Variants in ZNF804B observed in about 807,000 individuals in gnomAD.
ZNF804B encodes zinc finger protein 804B, also known as zinc finger 804B.
Under a neutral mutation model 101.4 loss-of-function variants are expected in ZNF804B, and 80 were observed. That is an observed-to-expected ratio of 0.79 (90% CI 0.66 to 0.95). The LOEUF is 0.95. ZNF804B is among the 40% of genes least tolerant of loss of function. The pLI is 0.00. For missense variants in ZNF804B, 1,673 were observed against 1,561.9 expected (o/e 1.07, Z -1.20); for synonymous variants, 622 against 558.8 (o/e 1.11, Z -1.59).
chr7:88,858,881 G>C (rs772107895), intron 1 of ZNF804B, among the ~76,000 whole-genome samples: 4 of 151,926 alleles, frequency 2.6e-5, no homozygotes, highest in Non-Finnish European at 5.9e-5. Flanking sequence ...TGTTTTTCTG[G>C]TTCTATAGCT....
At chr7:88,896,943 C>A (rs918191294) in intron 1 of ZNF804B, among the ~76,000 whole-genome samples, 1 of 152,134 alleles carries the variant, frequency 6.6e-6, no homozygotes, top group Non-Finnish European at 1.5e-5. Context: ...AGCTATAATT[C>A]ATGCCTATTA....
At chr7:89,310,667 T>C (rs1234195348) in intron 2 of ZNF804B, among the ~76,000 whole-genome samples, 2 of 152,140 alleles carry the variant, frequency 1.3e-5, no homozygotes, top group African/African-American at 2.4e-5. Flanking sequence ...AACTAGAGTA[T>C]AAAAGAGTGG....
At chr7:88,770,869 A>G (rs966911526) in intron 1 of ZNF804B, among the ~76,000 whole-genome samples, 10 of 152,230 alleles carry the variant, frequency 6.6e-5, no homozygotes, top group Admixed American at 1.3e-4. Flanking sequence ...AACATTTGTG[A>G]GAACAAAGAA....
chr7:89,053,594 G>T lies in ZNF804B; in HGVS notation c.109-164561G>T, dbSNP rs576514008. On this transcript the variant is annotated intron_variant, in intron 1 of 3. Coordinates refer to ENST00000333190, the MANE Select transcript of ZNF804B (RefSeq NM_181646.5). Reference sequence around the variant, plus strand: ...TTATTTTTCAGTATCATAAATTTTTGATTGTTTTTGGCTATAGTCATAGTT... The same window carrying T: ...TTATTTTTCAGTATCATAAATTTTTTATTGTTTTTGGCTATAGTCATAGTT... 1.2e-4 allele frequency among the ~76,000 whole-genome samples: 18 copies of T among 152,028 alleles called. 1 individual carries two copies. Among genetic ancestry groups the T allele is most frequent in the South Asian group, 6.2e-4 (3 of 4,818 alleles).
intron 1 of ZNF804B, among the ~76,000 whole-genome samples, chr7:88,953,406 A>G (rs1793254755): frequency 6.6e-6 from 1 of 151,742 alleles, no homozygotes; most frequent in African/African-American, 2.4e-5. Flanking sequence ...GTTAACACCT[A>G]TCTTTTTGTT....
chr7:89,176,483 G>A (rs1791319843), intron 1 of ZNF804B, among the ~76,000 whole-genome samples: 1 of 150,324 alleles, frequency 6.7e-6, no homozygotes, highest in Non-Finnish European at 1.5e-5. Context: ...ATGTGTTGTT[G>A]AATTTATTTT....
chr7:88,781,913 G>A (rs145371321), intron 1 of ZNF804B, among the ~76,000 whole-genome samples: 11 of 152,244 alleles, frequency 7.2e-5, no homozygotes, highest in African/African-American at 2.6e-4. Flanking sequence ...AGGACTCAGG[G>A]GTAGAAAATG....
chr7:89,105,523 C>T (rs1790120837), intron 1 of ZNF804B, among the ~76,000 whole-genome samples: 1 of 151,998 alleles, frequency 6.6e-6, no homozygotes, highest in African/African-American at 2.4e-5. Context: ...GTTTCCTTGA[C>T]CGTGGGCCAG....
At chr7:88,950,648 C>T (rs773392769) in intron 1 of ZNF804B, among the ~76,000 whole-genome samples, 1 of 149,386 alleles carries the variant, frequency 6.7e-6, no homozygotes, top group Non-Finnish European at 1.5e-5. Context: ...ATATTATATA[C>T]GTATAGAAAA....
At chr7:89,293,415 A>T (rs1790328839) in intron 2 of ZNF804B, among the ~76,000 whole-genome samples, 2 of 152,216 alleles carry the variant, frequency 1.3e-5, no homozygotes, top group African/African-American at 4.8e-5. Flanking sequence ...ATAAAATAAA[A>T]GTAAATTTTT....
chr7:89,208,969 G>A (rs761695789), intron 1 of ZNF804B, among the ~76,000 whole-genome samples: 3 of 151,874 alleles, frequency 2.0e-5, no homozygotes, highest in Non-Finnish European at 2.9e-5. Context: ...CTGAGATCGC[G>A]CCACTGCACT....
At chr7:88,775,143 T>A (rs2115643104) in intron 1 of ZNF804B, among the ~76,000 whole-genome samples, 1 of 152,354 alleles carries the variant, frequency 6.6e-6, no homozygotes, top group Non-Finnish European at 1.5e-5. Context: ...AATTTAAAAT[T>A]CTTGTGAAGA....
intron 1 of ZNF804B, among the ~76,000 whole-genome samples, chr7:88,760,400 G>A (rs909271097): frequency 6.6e-6 from 1 of 152,200 alleles, no homozygotes; most frequent in Non-Finnish European, 1.5e-5. Flanking sequence ...GTCAACTTAC[G>A]AATCTGCTGA....
intron 2 of ZNF804B, among the ~76,000 whole-genome samples, chr7:89,300,291 A>G (rs1790453484): frequency 6.7e-6 from 1 of 149,982 alleles, no homozygotes; most frequent in South Asian, 2.1e-4. Context: ...TTGCACCCCT[A>G]CTCCATTTAT....
chr7:89,048,203 AAC>A (rs140428820), intron 1 of ZNF804B, among the ~76,000 whole-genome samples: 130 of 149,784 alleles, frequency 8.7e-4, no homozygotes, highest in South Asian at 3.0e-3. Flanking sequence ...GATGTTCACA[AAC>A]ACACACACAC....
At chr7:89,199,351 A>T (rs1016038443) in intron 1 of ZNF804B, among the ~76,000 whole-genome samples, 1 of 151,894 alleles carries the variant, frequency 6.6e-6, no homozygotes, top group Non-Finnish European at 1.5e-5. Context: ...CCAATTTTTA[A>T]AAAATTATTA....
chr7:88,875,972 G>T, intron 1 of ZNF804B, among the ~76,000 whole-genome samples: 1 of 152,098 alleles, frequency 6.6e-6, no homozygotes, highest in South Asian at 2.1e-4. Context: ...GTGAGCAAGT[G>T]GGCTTCATCC....
chr7:89,195,899 A>G (rs574924428), intron 1 of ZNF804B, among the ~76,000 whole-genome samples: 183 of 152,166 alleles, frequency 1.2e-3, no homozygotes, highest in African/African-American at 4.1e-3. Flanking sequence ...TCAAAAAATC[A>G]GAGAGGACAC....
chr7:89,134,277 A>G (rs995828559), intron 1 of ZNF804B, among the ~76,000 whole-genome samples: 1 of 152,084 alleles, frequency 6.6e-6, no homozygotes, highest in Non-Finnish European at 1.5e-5. Context: ...AAAGTTGTTG[A>G]TAAGTAAGAT....
Sources: allele counts gnomAD v4.1 joint callset (sites outside exome capture counted in the v4.1 genomes callset), GRCh38; gene constraint gnomAD v4.1.1; transcripts MANE v1.5; gene names NCBI Gene and HGNC (gene_info 2026-07-23, HGNC 2026-07-21).